ZAN: variants seen among roughly 807,000 people sequenced by gnomAD.
ZAN encodes zonadhesin (gene/pseudogene).
In ZAN, 260 loss-of-function variants were observed where a neutral mutation model predicts 286.2. The ratio of observed to expected loss-of-function variants is 0.91; its 90% CI spans 0.82 to 1.01. The LOEUF (loss-of-function observed/expected upper bound fraction) is 1.01. Ranked by LOEUF, ZAN falls within the 50% of genes least tolerant of loss-of-function variation. The pLI, the probability that ZAN is intolerant of heterozygous loss-of-function variation, is 0.00. For missense variants in ZAN, 3,410 were observed against 3,639.2 expected (o/e 0.94, Z 1.62); for synonymous variants, 1,368 against 1,417.5 (o/e 0.97, Z 0.79).
intron 17 of ZAN, among the ~76,000 whole-genome samples, chr7:100,758,977 A>T (rs1809352191): frequency 6.6e-6 from 1 of 152,048 alleles, no homozygotes; most frequent in African/African-American, 2.4e-5. Flanking sequence ...TAACCCCAAC[A>T]CTTTGGGAAG....
At chr7:100,791,852 C>A (rs574655870) in intron 40 of ZAN, 114 bp from the exon 41 acceptor site, 3 of 1,298,732 alleles carry the variant, frequency 2.3e-6, no homozygotes, top group Non-Finnish European at 3.1e-6. Context: ...CTCAGCCTCC[C>A]GGGTAGCTGG....
chr7:100,787,990 G>A lies in ZAN; in HGVS notation c.7081G>A (p.Val2361Met), dbSNP rs1172217130. The A allele has an allele frequency of 1.9e-6, 3 of 1,560,624 alleles. No individual in the cohort carries two copies. The highest frequency in any genetic ancestry group is 2.7e-5 in the African/African-American group (2 of 73,910). The change falls in exon 38 of 48, where the codon GTG becomes ATG. Residue 2361 changes from valine (V) to methionine (M), a missense_variant. Around this residue, in one of 7 missense-constraint regions of ZAN, gnomAD observed 1,289 missense variants for 1,314.3 expected, o/e 0.98. Coordinates refer to ENST00000613979, the MANE Select transcript of ZAN (RefSeq NM_003386.3). ...CATGACCTATGTTCTGATCAAGACT[G>A]TGGACGTACTGCCTGAGGGGGTGGA... ...GRMTYVLIKTVDVLPEGVEPL... is the reference protein window; with the variant it reads ...GRMTYVLIKTMDVLPEGVEPL...
rs372254903 is a variant in ZAN at position 100,758,370 on chromosome 7, T to C, written c.3451+27T>C. 1,642 of 1,606,490 alleles carry C rather than the reference T, an allele frequency of 1.0e-3. 22 individuals carry two copies. The African/African-American group carries it at 0.02, about 19-fold the overall frequency. On this transcript the variant is annotated intron_variant, in intron 16 of 47. Transcript: ENST00000613979. ...TGAGAGCCCCTCCCCATGCTGTCCC[T>C]GCCTGCCAGCCAGTTGGAGTAGACG...
rs780537198 is a variant in ZAN at position 100,787,952 on chromosome 7, G to C, written c.7043G>C (p.Arg2348Pro). The change falls in exon 38 of 48, where the codon CGC becomes CCC. Residue 2348 changes from arginine to proline, a missense_variant. Physicochemically the swap from Arg to Pro is moderately radical, Grantham distance 103. This residue lies in a region of ZAN where 1,289 missense variants were observed against 1,314.3 expected (regional missense o/e 0.98). Coordinates refer to ENST00000613979, the MANE Select transcript of ZAN (RefSeq NM_003386.3). Reference sequence around the variant, plus strand: ...CTCACATTTGACGGCTTCAGCTACCGCTTGCAAGGCCGCATGACCTATGTT... The same window carrying C: ...CTCACATTTGACGGCTTCAGCTACCCCTTGCAAGGCCGCATGACCTATGTT... Reference protein sequence around the residue: ...RYLTFDGFSYRLQGRMTYVLI... With the variant: ...RYLTFDGFSYPLQGRMTYVLI... 1.2e-4 allele frequency: 60 copies of C among 484,758 alleles called. No individual in the cohort carries two copies. The highest frequency in any genetic ancestry group is 2.2e-4 in the Non-Finnish European group (58 of 267,254). The allele number at this position is 484,758 out of a possible 1,614,324, so 30.0% of individuals were successfully genotyped here. A position where few individuals can be genotyped will look rare whatever the true frequency, so the allele number is the denominator to read the frequency against.
intron 33 of ZAN, among the ~76,000 whole-genome samples, 173 bp from the exon 34 acceptor site, chr7:100,776,267 G>C (rs1228831572): frequency 7.1e-6 from 1 of 141,398 alleles, no homozygotes; most frequent in Non-Finnish European, 1.5e-5. Context: ...GAAGTGAGCT[G>C]AGATCATGCC....
Position 100,763,930 on chromosome 7 carries a change from C to T in ZAN, c.4097+14C>T. On this transcript the variant is annotated intron_variant, in intron 21 of 47. Transcript: ENST00000613979. The surrounding 1 kb of genome is among the most constrained non-coding windows in gnomAD (Gnocchi z 4.6). ...TGGCCCATTTGAGTATGAAGGAGGG[C>T]AGGCAGGGTCGCACAGGGGCGATGC... 6.2e-7 allele frequency: 1 copy of T among 1,612,948 alleles called. No homozygotes were observed. The highest frequency in any genetic ancestry group is 8.5e-7 in the Non-Finnish European group (1 of 1,179,598).
rs966466412 is a variant in ZAN, at chr7:100,752,213, C to A, written c.2108C>A (p.Thr703Asn). 8.7e-6 allele frequency: 14 copies of A among 1,611,860 alleles called. No homozygotes were observed. The highest frequency in any genetic ancestry group is 1.0e-5 in the Non-Finnish European group (12 of 1,179,372). ...TEKPTISMEE[T>N]IISTEKPTIS... is the part of the protein sequence containing the mutation. ...AAACCCACCATCTCCATGGAAGAGA[C>A]TATCATCTCCACAGAAAAACCCACC... Residue 703 changes from threonine to asparagine, a missense_variant, in exon 14 of 48, where the codon ACT becomes AAT. This residue lies in a region of ZAN where 872 missense variants were observed against 938.9 expected (regional missense o/e 0.93). Transcript: ENST00000613979.
chr7:100,767,295 C>A, intron 25 of ZAN, 38 bp downstream of exon 25: 1 of 1,580,510 alleles, frequency 6.3e-7, no homozygotes, highest in Non-Finnish European at 8.6e-7. Context: ...CCCTGAACAC[C>A]CAGCCTGCTT....
intron 31 of ZAN, among the ~76,000 whole-genome samples, chr7:100,774,925 T>G (rs994287289): frequency 1.5e-5 from 2 of 135,898 alleles, no homozygotes; most frequent in South Asian, 5.7e-4. Context: ...GGGTTTTTTG[T>G]TTGTTTGTTT....
chr7:100,747,046 TG>T (rs1205094452), intron 8 of ZAN, among the ~76,000 whole-genome samples: 2 of 151,848 alleles, frequency 1.3e-5, no homozygotes, highest in Non-Finnish European at 2.9e-5. Context: ...ATCGCGCCAC[TG>T]CACTCCGGCC....
intron 35 of ZAN, among the ~76,000 whole-genome samples, chr7:100,783,512 T>C: frequency 6.7e-6 from 1 of 150,066 alleles, no homozygotes; most frequent in South Asian, 2.1e-4. Context: ...GGTGGGAGGA[T>C]CACCTGAGGT....
At position 100,746,602 on chromosome 7, in the gene ZAN, C is replaced by A. The variant is rs769256028; in HGVS notation, c.831C>A (p.Ser277Arg). 6.2e-7 allele frequency: 1 copy of A among 1,614,026 alleles called. No individual in the cohort carries two copies. The highest frequency in any genetic ancestry group is 1.7e-5 in the Admixed American group (1 of 60,002). ...ARPGQKAVLL[S>R]PVSLSSGCLS... ...CTGGGCAGAAAGCTGTCCTCCTGAG[C>A]CCCGTGAGCCTGTCCTCTGGCTGTC... is the stretch of plus-strand genomic sequence containing the variant. The change falls in exon 8 of 48, where the codon AGC becomes AGA. Residue 277 changes from serine (S) to arginine (R), a missense_variant. Physicochemically the swap from Ser to Arg is moderately radical, Grantham distance 110 (BLOSUM62 -1). Coordinates refer to ENST00000613979, the MANE Select transcript of ZAN (RefSeq NM_003386.3).
Position 100,752,247 on chromosome 7 carries a change from A to ACG in ZAN, c.2142_2143insCG (p.Glu715ArgfsTer287), listed in dbSNP as rs1808750346. 6.2e-7 allele frequency: 1 copy of ACG among 1,609,206 alleles called. No homozygotes were observed. Among genetic ancestry groups the ACG allele is most frequent in the African/African-American group, 1.4e-5 (1 of 73,382 alleles). On this transcript the variant is annotated frameshift_variant, in exon 14 of 48. Coordinates refer to ENST00000613979, the MANE Select transcript of ZAN (RefSeq NM_003386.3). LOFTEE classifies it high-confidence loss of function. ...CCACAGAAAAACCCACCATCTCCCC[A>ACG]GAAAAACCCACCATCCCCACAGAAA...
intron 28 of ZAN, 96 bp downstream of exon 28, chr7:100,770,070 C>T: frequency 1.6e-6 from 2 of 1,260,434 alleles, no homozygotes; most frequent in Non-Finnish European, 2.2e-6. Flanking sequence ...AGACCAGAAA[C>T]AGATGGAAAA....
rs574016648 is a variant in ZAN, at chr7:100,748,413, G to A, written c.1192G>A (p.Gly398Arg). ...CGGGGATGGTGGACACTGGGCCCTC[G>A]GACATAAAAATGGACCCGTCCATGG... is the stretch of plus-strand genomic sequence containing the variant. Reference protein sequence around the residue: ...TSGDGGHWALGHKNGPVHGMG... With the variant: ...TSGDGGHWALRHKNGPVHGMG... The change falls in exon 11 of 48, where the codon GGA becomes AGA. Residue 398 changes from glycine to arginine, a missense_variant. Physicochemically the swap from Gly to Arg is moderately radical, Grantham distance 125. This residue lies in a region of ZAN where 872 missense variants were observed against 938.9 expected (regional missense o/e 0.93). Transcript: ENST00000613979. 3.2e-5 allele frequency: 51 copies of A among 1,613,928 alleles called. No individual in the cohort carries two copies. In the Admixed American group the frequency reaches 4.2e-4, roughly 13 times the overall value.
chr7:100,766,371 G>A (rs1192584833), intron 23 of ZAN, among the ~76,000 whole-genome samples, 154 bp from the exon 24 acceptor site: 1 of 152,194 alleles, frequency 6.6e-6, no homozygotes, highest in Non-Finnish European at 1.5e-5. Flanking sequence ...CCAAGCTTTT[G>A]CAGCGAATCT....
intron 38 of ZAN, 110 bp from the exon 39 acceptor site, chr7:100,789,108 C>A: frequency 7.0e-7 from 1 of 1,436,544 alleles, no homozygotes; most frequent in East Asian, 2.4e-5. Context: ...TTATTCCACT[C>A]TCTGCACGGA....
At chr7:100,758,686 G>A in intron 17 of ZAN, 36 bp downstream of exon 17, 1 of 1,546,144 alleles carries the variant, frequency 6.5e-7, no homozygotes, top group Non-Finnish European at 8.7e-7. Context: ...CCTGGGGGGA[G>A]GGTCTGTGGG....
intron 34 of ZAN, 143 bp from the exon 35 acceptor site, chr7:100,779,303 G>A: frequency 1.2e-6 from 1 of 819,906 alleles, no homozygotes; most frequent in African/African-American, 1.7e-5. Context: ...AACATGGGAG[G>A]GAAGGCAGAG....
Sources: allele counts gnomAD v4.1 joint callset (sites outside exome capture counted in the v4.1 genomes callset), GRCh38; gene constraint gnomAD v4.1.1; regional missense constraint gnomAD v4.1.1; non-coding constraint Gnocchi (gnomAD v3.1); transcripts MANE v1.5; gene names NCBI Gene and HGNC (gene_info 2026-07-23, HGNC 2026-07-21).